HNMT: variants seen among roughly 807,000 people sequenced by gnomAD.
HNMT encodes histamine N-methyltransferase.
In HNMT, 30 loss-of-function variants were observed where a neutral mutation model predicts 32.1. The observed-to-expected ratio is 0.93, with a 90% CI of 0.70 to 1.27. The LOEUF is 1.27. Ranked by LOEUF, HNMT falls within the 50% of genes most tolerant of loss-of-function variation. The probability of loss-of-function intolerance (pLI) is 0.00; values close to 1 mark genes in which losing one functional copy is unlikely to be tolerated. For missense variants in HNMT, 327 were observed against 346.0 expected (o/e 0.95, Z 0.43); for synonymous variants, 125 against 119.0 (o/e 1.05, Z -0.33).
chr2:137,998,449 T>G (rs1350801946), intron 2 of HNMT, among the ~76,000 whole-genome samples: 3 of 152,174 alleles, frequency 2.0e-5, no homozygotes, highest in Non-Finnish European at 4.4e-5. Context: ...GAAATGTCCC[T>G]GACAAACAAG....
intron 2 of HNMT, among the ~76,000 whole-genome samples, chr2:137,995,072 C>T (rs903368896): frequency 1.8e-4 from 28 of 152,028 alleles, no homozygotes; most frequent in African/African-American, 6.5e-4. Context: ...GCCTGAAGAT[C>T]TCAAGTTGAC....
At position 138,013,895 on chromosome 2, in the gene HNMT, A is replaced by G. The variant is rs939909160; in HGVS notation, c.644A>G (p.Tyr215Cys). The change falls in exon 6 of 6, where the codon TAT becomes TGT. Residue 215 changes from tyrosine (Y) to cysteine (C), a missense_variant. Physicochemically the swap from Tyr to Cys is radical, Grantham distance 194. Coordinates refer to ENST00000280097, the MANE Select transcript of HNMT (RefSeq NM_006895.3). ...TQMLDNLGLK[Y>C]ECYDLLSTMD... ...ATGCTGGACAACCTAGGGCTTAAGTATGAGTGCTATGACCTTTTGTCCACC... is the reference window on the plus strand; with the variant it reads ...ATGCTGGACAACCTAGGGCTTAAGTGTGAGTGCTATGACCTTTTGTCCACC... 5.0e-6 allele frequency: 8 copies of G among 1,613,664 alleles called. No individual in the cohort carries two copies. The Admixed American group carries it at 1.3e-4, about 27-fold the overall frequency.
intron 5 of HNMT, among the ~76,000 whole-genome samples, chr2:138,006,516 T>C (rs1681335222): frequency 6.6e-6 from 1 of 151,988 alleles, no homozygotes; most frequent in Non-Finnish European, 1.5e-5. Flanking sequence ...TTTCTATAAG[T>C]ATATATTACC....
intron 2 of HNMT, among the ~76,000 whole-genome samples, chr2:137,977,468 TG>T (rs998594040): frequency 3.3e-5 from 5 of 152,002 alleles, no homozygotes; most frequent in Admixed American, 6.6e-5. Context: ...TGAAGGGGAT[TG>T]GGGGGGTTGC....
intron 3 of HNMT, among the ~76,000 whole-genome samples, chr2:138,001,416 A>G (rs1008289407): frequency 3.3e-5 from 5 of 152,320 alleles, no homozygotes; most frequent in African/African-American, 7.2e-5. Flanking sequence ...CAGAAGGTCA[A>G]TTCAGTCTCT....
rs145192312 is a variant in HNMT at position 138,005,270 on chromosome 2, C to T, written c.523+45C>T. ...CCTGAATTTTAAAACAGCAATAATA[C>T]ACGTATGCATGGATTCCTGTGTTTG... On this transcript the variant is annotated intron_variant, in intron 5 of 5. Transcript: ENST00000280097. 181 of 997,330 alleles carry T rather than the reference C, an allele frequency of 1.8e-4. No homozygotes were observed. The African/African-American group carries it at 2.4e-3, about 13-fold the overall frequency. The allele number at this position is 997,330 out of a possible 1,614,324, so 61.8% of individuals were successfully genotyped here. A position where few individuals can be genotyped will look rare whatever the true frequency, so the allele number is the denominator to read the frequency against.
intron 2 of HNMT, among the ~76,000 whole-genome samples, chr2:137,984,747 A>C (rs761028578): frequency 7.2e-5 from 11 of 152,192 alleles, no homozygotes; most frequent in Non-Finnish European, 1.3e-4. Context: ...ATTGTTGGTA[A>C]GTTTGACATA....
rs1038861795 is a variant in HNMT, at chr2:137,981,468, C to T, written c.190+11251C>T. On this transcript the variant is annotated intron_variant, in intron 2 of 5. Coordinates refer to ENST00000280097, the MANE Select transcript of HNMT (RefSeq NM_006895.3). Reference sequence around the variant, plus strand: ...GTTGAAAATTGCAAAGTCTTCACACCGCAGCTTCCCCTTTCTTTGTTGCTT... The same window carrying T: ...GTTGAAAATTGCAAAGTCTTCACACTGCAGCTTCCCCTTTCTTTGTTGCTT... The T allele has an allele frequency of 1.1e-5, 11 of 1,013,108 alleles. No individual in the cohort carries two copies. The Admixed American group carries it at 1.6e-4, about 15-fold the overall frequency. The allele number at this position is 1,013,108 out of a possible 1,614,324, so 62.8% of individuals were successfully genotyped here.
rs1303552720 is a variant in HNMT, at chr2:138,015,298, A to T, written c.*1168A>T. The T allele has an allele frequency of 6.6e-6, 1 of 152,156 alleles. No homozygotes were observed. Among genetic ancestry groups the T allele is most frequent in the African/African-American group, 2.4e-5 (1 of 41,466 alleles). 9.4% of individuals were successfully genotyped at this position (152,156 alleles called of 1,614,324 possible). On this transcript the variant is annotated 3_prime_UTR_variant, in exon 6 of 6. Transcript: ENST00000280097. ...AAATAATTAGTACTCCCTGTCACAA[A>T]CAAAACAAAAGTAAGGTTTTACTAA...
intron 2 of HNMT, among the ~76,000 whole-genome samples, chr2:137,972,105 G>GT (rs1465026725): frequency 6.6e-6 from 1 of 151,772 alleles, no homozygotes; most frequent in Non-Finnish European, 1.5e-5. Flanking sequence ...TTTTGTTTTT[G>GT]TTTTTTGTTT....
At chr2:138,012,705 C>T (rs1008477768) in intron 5 of HNMT, among the ~76,000 whole-genome samples, 3 of 152,104 alleles carry the variant, frequency 2.0e-5, no homozygotes, top group Non-Finnish European at 4.4e-5. Context: ...CGTCTTCATT[C>T]TTCTCTCCAA....
chr2:137,979,100 A>G lies in HNMT; in HGVS notation c.190+8883A>G, dbSNP rs1680401365. Among the ~76,000 whole-genome samples, 3 of 145,872 alleles carry G rather than the reference A, an allele frequency of 2.1e-5. No individual in the cohort carries two copies. The Admixed American group carries it at 2.1e-4, about 10-fold the overall frequency. ...ATATGTTTATAGTATAGTTATATAT[A>G]TTATGTGTTATATATAGTACATAAT... is the stretch of plus-strand genomic sequence containing the variant. On this transcript the variant is annotated intron_variant, in intron 2 of 5. Transcript: ENST00000280097.
chr2:137,981,505 G>A (rs529553417), intron 2 of HNMT: 8 of 776,464 alleles, frequency 1.0e-5, no homozygotes, highest in South Asian at 5.5e-5. Context: ...GGTTTTCTCC[G>A]TGGGACTTCC....
rs978198077 is a variant in HNMT, at chr2:138,013,806, G to C, written c.555G>C (p.Lys185Asn). Reference sequence around the variant, plus strand: ...GTGGCTGGGACAAGCTGTGGAAAAAGTACGGATCACGCTTTCCCCAGGATG... The same window carrying C: ...GTGGCTGGGACAAGCTGTGGAAAAACTACGGATCACGCTTTCCCCAGGATG... ...GSSGWDKLWK[K>N]YGSRFPQDDL... Residue 185 changes from lysine (K) to asparagine (N), a missense_variant, in exon 6 of 6, where the codon AAG becomes AAC. Lys to Asn is a moderately conservative substitution (Grantham distance 94). Transcript: ENST00000280097. 9.9e-6 allele frequency: 16 copies of C among 1,612,836 alleles called. No homozygotes were observed. The highest frequency in any genetic ancestry group is 1.3e-5 in the Non-Finnish European group (15 of 1,179,342).
In HNMT at chr2:138,000,301, C is replaced by T. The variant is rs571733147; in HGVS notation, c.191-617C>T. On this transcript the variant is annotated intron_variant, in intron 2 of 5. Transcript: ENST00000280097. The stretch of plus-strand genomic sequence containing the variant: ...GCATCATCACTCTGGCATCATCTCT[C>T]GTCCTCTCCCCATATGTTCTCTTCC... Among the ~76,000 whole-genome samples the T allele has an allele frequency of 9.9e-5, 15 of 152,192 alleles. No homozygotes were observed. The South Asian group carries it at 1.0e-3, about 11-fold the overall frequency.
At chr2:137,979,310 G>A (rs1181434800) in intron 2 of HNMT, among the ~76,000 whole-genome samples, 3 of 151,038 alleles carry the variant, frequency 2.0e-5, no homozygotes, top group Non-Finnish European at 2.9e-5. Flanking sequence ...TTGCTCTGTC[G>A]CCCAGGCTGG....
At chr2:137,993,479 A>G (rs1680888295) in intron 2 of HNMT, among the ~76,000 whole-genome samples, 1 of 152,214 alleles carries the variant, frequency 6.6e-6, no homozygotes, top group African/African-American at 2.4e-5. Flanking sequence ...GACTAGAGAA[A>G]AAAGAATGAA....
chr2:138,009,142 A>T (rs1439939803), intron 5 of HNMT, among the ~76,000 whole-genome samples: 2 of 151,842 alleles, frequency 1.3e-5, no homozygotes, highest in Non-Finnish European at 3.0e-5. Context: ...GAAGCATTTG[A>T]AAAAAAGCTC....
At chr2:138,010,530 A>T (rs976121126) in intron 5 of HNMT, among the ~76,000 whole-genome samples, 10 of 151,866 alleles carry the variant, frequency 6.6e-5, no homozygotes, top group African/African-American at 2.4e-4. Flanking sequence ...AAACAACTAA[A>T]ACTATTTGTG....
Sources: allele counts gnomAD v4.1 joint callset (sites outside exome capture counted in the v4.1 genomes callset), GRCh38; gene constraint gnomAD v4.1.1; transcripts MANE v1.5; gene names NCBI Gene and HGNC (gene_info 2026-07-23, HGNC 2026-07-21).